Variants in TTC7A observed in about 807,000 individuals in gnomAD.
TTC7A encodes the protein tetratricopeptide repeat domain 7A, also known as tetratricopeptide repeat protein 7A.
A neutral mutation model predicts 103.7 loss-of-function variants in TTC7A; 110 were observed. That is an observed-to-expected ratio of 1.06 (90% CI 0.91 to 1.24). The LOEUF (loss-of-function observed/expected upper bound fraction) is 1.24. Ranked by LOEUF, TTC7A falls within the 50% of genes most tolerant of loss-of-function variation. The pLI, the probability that TTC7A is intolerant of heterozygous loss-of-function variation, is 0.00. For synonymous variants in TTC7A, 521 were observed against 467.9 expected (o/e 1.11, Z -1.47); for missense variants, 1,340 against 1,116.3 (o/e 1.20, Z -2.86).
rs1674138593 is a variant in TTC7A, at chr2:46,978,840, G to T, written c.697G>T (p.Asp233Tyr). The T allele has an allele frequency of 6.2e-7, 1 of 1,614,088 alleles. No homozygotes were observed. The highest frequency in any genetic ancestry group is 1.1e-5 in the South Asian group (1 of 91,058). ...GCATCTGAAAGGCTGTCACCCGCTT[G>T]ACTATGAGCTCACCTACTTCCTGGA... ...SRHLKGCHPL[D>Y]YELTYFLEAA... The change falls in exon 5 of 20, where the codon GAC becomes TAC. Residue 233 changes from aspartate to tyrosine, a missense_variant. Asp to Tyr is a radical substitution (Grantham distance 160). Transcript: ENST00000319190.
intron 8 of TTC7A, among the ~76,000 whole-genome samples, chr2:47,000,356 A>G (rs141385333): frequency 6.6e-6 from 1 of 152,270 alleles, no homozygotes; most frequent in African/African-American, 2.4e-5. Flanking sequence ...GTTCTAACAC[A>G]AGGCCCTGCT....
intron 15 of TTC7A, among the ~76,000 whole-genome samples, chr2:47,043,621 G>C (rs1681999913): frequency 6.6e-6 from 1 of 152,144 alleles, no homozygotes; most frequent in African/African-American, 2.4e-5. Flanking sequence ...GGTTCTTTGT[G>C]GAAGAAAATC....
rs1222833107 is a variant in TTC7A, at chr2:47,029,267, G to T, written c.1685G>T (p.Arg562Leu). The change falls in exon 15 of 20, where the codon CGC becomes CTC. Residue 562 changes from arginine (R) to leucine (L), a missense_variant. Arg to Leu is a moderately radical substitution (Grantham distance 102, BLOSUM62 -2). Coordinates refer to ENST00000319190, the MANE Select transcript of TTC7A (RefSeq NM_020458.4). ...CAGCTGCAGGAGGCCCTGAAGGTAC[G>T]CAAGGATGATGCCCACGCCCTCCAC... ...MEQLQEALKVRKDDAHALHLL... is the reference protein window; with the variant it reads ...MEQLQEALKVLKDDAHALHLL... The T allele has an allele frequency of 6.2e-7, 1 of 1,613,874 alleles. No individual in the cohort carries two copies. The highest frequency in any genetic ancestry group is 8.5e-7 in the Non-Finnish European group (1 of 1,180,020).
At chr2:46,956,730 AGGG>A in intron 2 of TTC7A, 106 bp from the exon 3 acceptor site, 1 of 1,131,652 alleles carries the variant, frequency 8.8e-7, no homozygotes, top group Non-Finnish European at 1.3e-6. Flanking sequence ...CTGGAGGAGG[AGGG>A]GAGTTCTGAG....
intron 2 of TTC7A, among the ~76,000 whole-genome samples, chr2:46,925,072 T>C (rs184354349): frequency 2.3e-3 from 346 of 152,380 alleles, no homozygotes; most frequent in Admixed American, 4.0e-3. Flanking sequence ...TTCAGTATTT[T>C]TCTGTAATAC....
At chr2:46,949,551 C>T (rs1671226330) in intron 1 of TTC7A, among the ~76,000 whole-genome samples, 1 of 152,142 alleles carries the variant, frequency 6.6e-6, no homozygotes, top group South Asian at 2.1e-4. Flanking sequence ...AGTATAAAAC[C>T]ACCTACCAGG....
chr2:46,941,351 C>A lies in TTC7A; in HGVS notation c.-191C>A, dbSNP rs1039459981. ...CAGCCCGGAGGCGCCGGGCGGTGCG[C>A]TGGGAGCTGCTGGTGCTGCTGCTGC... On this transcript the variant is annotated 5_prime_UTR_variant, in exon 1 of 20. The change creates a new upstream start codon in the 5' untranslated region. Transcript: ENST00000319190. This position sits in a 1 kb window ranked among gnomAD's most constrained non-coding sequence, Gnocchi z 4.2. The A allele has an allele frequency of 9.1e-5, 29 of 320,114 alleles. No homozygotes were observed. Among genetic ancestry groups the A allele is most frequent in the Non-Finnish European group, 1.4e-4 (28 of 203,996 alleles). The allele number at this position is 320,114 out of a possible 1,614,324, so 19.8% of individuals were successfully genotyped here.
intron 5 of TTC7A, among the ~76,000 whole-genome samples, chr2:46,986,800 C>T (rs1043200488): frequency 1.3e-5 from 2 of 152,188 alleles, no homozygotes; most frequent in Non-Finnish European, 2.9e-5. Flanking sequence ...TCGTCCCTCC[C>T]ATTGAGGACT....
intron 5 of TTC7A, among the ~76,000 whole-genome samples, chr2:46,992,158 C>T (rs890567262): frequency 7.2e-5 from 11 of 152,206 alleles, no homozygotes; most frequent in South Asian, 2.1e-4. Context: ...TGGTGTGATC[C>T]GGGGAACCCC....
intron 3 of TTC7A, among the ~76,000 whole-genome samples, chr2:46,960,496 G>A (rs1406303500): frequency 6.6e-6 from 1 of 152,176 alleles, no homozygotes; most frequent in South Asian, 2.1e-4. Context: ...TAGGGGGATG[G>A]GGGGAAGCAG....
At chr2:47,021,653 C>G (rs1255728239) in intron 11 of TTC7A, among the ~76,000 whole-genome samples, 1 of 152,250 alleles carries the variant, frequency 6.6e-6, no homozygotes, top group African/African-American at 2.4e-5. Flanking sequence ...GGAGCTGGCC[C>G]AAACTGGCCC....
intron 19 of TTC7A, among the ~76,000 whole-genome samples, chr2:47,064,690 G>A (rs998499293): frequency 6.6e-6 from 1 of 152,160 alleles, no homozygotes; most frequent in Non-Finnish European, 1.5e-5. Flanking sequence ...AGTGACTGGT[G>A]GAATGGTTGG....
At chr2:46,916,329 C>T in exon 1 of TTC7A, 1 of 284,056 alleles carries the variant, frequency 3.5e-6, no homozygotes, top group Non-Finnish European at 5.3e-6. Flanking sequence ...AGCTCCACTG[C>T]ACAAGCTGCG....
At chr2:47,054,132 G>C (rs546657397) in intron 18 of TTC7A, 1 of 985,444 alleles carries the variant, frequency 1.0e-6, no homozygotes, top group South Asian at 4.7e-5. Context: ...GCATCTGAAT[G>C]CTTTGAATGT....
intron 1 of TTC7A, among the ~76,000 whole-genome samples, chr2:46,946,337 G>A (rs977778333): frequency 6.6e-5 from 10 of 152,168 alleles, no homozygotes; most frequent in African/African-American, 2.4e-4. Context: ...AGTAGGTTTC[G>A]GACAACAGGA....
At chr2:47,044,979 T>G (rs1010209919) in intron 15 of TTC7A, among the ~76,000 whole-genome samples, 2 of 152,142 alleles carry the variant, frequency 1.3e-5, no homozygotes, top group African/African-American at 4.8e-5. Context: ...CCTGCAGCCT[T>G]CGCAGTCTGG....
intron 18 of TTC7A, among the ~76,000 whole-genome samples, chr2:47,054,564 G>T (rs1683156155): frequency 6.6e-6 from 1 of 152,058 alleles, no homozygotes; most frequent in Non-Finnish European, 1.5e-5. Flanking sequence ...CGGGTGCGGT[G>T]GCTCATGCCC....
At chr2:47,035,869 C>A (rs1176297256) in intron 15 of TTC7A, among the ~76,000 whole-genome samples, 1 of 152,168 alleles carries the variant, frequency 6.6e-6, no homozygotes, top group Non-Finnish European at 1.5e-5. Context: ...CTGACCTCTC[C>A]TCTGCAGTGG....
intron 2 of TTC7A, among the ~76,000 whole-genome samples, chr2:46,935,860 TGGGA>T (rs1669950104): frequency 6.6e-6 from 1 of 151,848 alleles, no homozygotes; most frequent in Non-Finnish European, 1.5e-5. Flanking sequence ...GAGGCTGAGG[TGGGA>T]GGATTGCTAG....
Sources: allele counts gnomAD v4.1 joint callset (sites outside exome capture counted in the v4.1 genomes callset), GRCh38; gene constraint gnomAD v4.1.1; non-coding constraint Gnocchi (gnomAD v3.1); transcripts MANE v1.5; gene names NCBI Gene and HGNC (gene_info 2026-07-23, HGNC 2026-07-21).